The following SEC24D variants were observed in gnomAD, a reference collection of about 807,000 sequenced individuals.
SEC24D encodes SEC24 homolog D, COPII component.
A neutral mutation model predicts 116.9 loss-of-function variants in SEC24D; 69 were observed. The ratio of observed to expected loss-of-function variants is 0.59; its 90% confidence interval spans 0.49 to 0.72. SEC24D has a LOEUF of 0.72. SEC24D is among the 30% of genes least tolerant of loss of function. The pLI, the probability that SEC24D is intolerant of heterozygous loss-of-function variation, is 0.00. For missense variants in SEC24D, 1,131 were observed against 1,264.1 expected, an observed-to-expected ratio of 0.89 and a Z score of 1.60; for synonymous variants, 405 against 442.8, an observed-to-expected ratio of 0.91 and a Z score of 1.07.
chr4:118,738,668 T>C (rs1726086381), intron 18 of SEC24D, among the ~76,000 whole-genome samples: 1 of 152,220 alleles, frequency 6.6e-6, no homozygotes, highest in Non-Finnish European at 1.5e-5. Flanking sequence ...TTTGTCATTT[T>C]TTGATGTCCT....
At chr4:118,817,442 T>C (rs1730199841) in intron 3 of SEC24D, 30 bp from the exon 4 acceptor site, 5 of 1,585,810 alleles carry the variant, frequency 3.2e-6, no homozygotes, top group Non-Finnish European at 3.4e-6. Context: ...TGTCAAACAA[T>C]ATCACAGCGT....
intron 8 of SEC24D, among the ~76,000 whole-genome samples, chr4:118,792,383 TG>T (rs1224990570): frequency 6.6e-6 from 1 of 152,166 alleles, no homozygotes; most frequent in Admixed American, 6.5e-5. Context: ...CCACCCCTTC[TG>T]GGAGGTGTAC....
In SEC24D at chr4:118,744,187, A is replaced by T. The variant is rs115973812; in HGVS notation, c.1825-29T>A. 11,611 of 1,500,292 alleles carry T rather than the reference A, an allele frequency of 7.7e-3. 73 individuals carry two copies. Among genetic ancestry groups the T allele is most frequent in the Non-Finnish European group, 8.2e-3 (9,140 of 1,118,622 alleles). The allele number at this position is 1,500,292 out of a possible 1,614,324, so 92.9% of individuals were successfully genotyped here. Reference sequence around the variant, plus strand: ...GAAAAAAGATGCAAAAAAAAAGAAAAAATAAAAATTACAAAATGTTTTTGG... The same window carrying T: ...GAAAAAAGATGCAAAAAAAAAGAAATAATAAAAATTACAAAATGTTTTTGG... On this transcript the variant is annotated intron_variant, in intron 14 of 22. Coordinates refer to ENST00000280551, the MANE Select transcript of SEC24D (RefSeq NM_014822.4).
At chr4:118,752,175 T>G in intron 12 of SEC24D, 86 bp from the exon 13 acceptor site, 1 of 850,808 alleles carries the variant, frequency 1.2e-6, no homozygotes, top group East Asian at 2.5e-5. Flanking sequence ...ATTTCAAGCC[T>G]AAACACATAT....
chr4:118,731,247 A>G, intron 21 of SEC24D, 69 bp downstream of exon 21: 1 of 1,252,094 alleles, frequency 8.0e-7, no homozygotes, highest in Non-Finnish European at 1.2e-6. Context: ...ATTTGACTGC[A>G]CATAAATAAA....
At chr4:118,833,502 C>G in intron 2 of SEC24D, 77 bp downstream of exon 2, 1 of 966,370 alleles carries the variant, frequency 1.0e-6, no homozygotes, top group South Asian at 1.5e-5. Flanking sequence ...GCTTTCAAAT[C>G]TCCTCTTTCA....
intron 8 of SEC24D, among the ~76,000 whole-genome samples, chr4:118,773,063 C>T (rs1207065033): frequency 1.3e-5 from 2 of 152,038 alleles, no homozygotes; most frequent in African/African-American, 4.8e-5. Context: ...ACCTACTTTC[C>T]CCTCTCTTTC....
intron 13 of SEC24D, among the ~76,000 whole-genome samples, chr4:118,746,365 C>G (rs1726535296): frequency 6.6e-6 from 1 of 152,000 alleles, no homozygotes; most frequent in Non-Finnish European, 1.5e-5. Flanking sequence ...TTGCATGCAG[C>G]TCTGTGCCAG....
Position 118,728,722 on chromosome 4 carries a change from CATA to C in SEC24D, c.2869-75_2869-73del. On this transcript the variant is annotated intron_variant, in intron 21 of 22. Transcript: ENST00000280551. ...GATAGAAGTAGCAATATGAGATTATCATAATGTTAAAAACATAAAACCATGTAC... is the reference window on the plus strand; with the variant it reads ...GATAGAAGTAGCAATATGAGATTATCATGTTAAAAACATAAAACCATGTAC... 6 of 938,688 alleles carry C rather than the reference CATA, an allele frequency of 6.4e-6. No homozygotes were observed. In the South Asian group the frequency reaches 9.3e-5, roughly 14 times the overall value. The allele number at this position is 938,688 out of a possible 1,614,324, so 58.1% of individuals were successfully genotyped here.
chr4:118,757,705 AT>A lies in SEC24D; in HGVS notation c.1421+15del, dbSNP rs773267784. On this transcript the variant is annotated intron_variant, in intron 11 of 22. Transcript: ENST00000280551. Reference sequence around the variant, plus strand: ...CAATAATGTATAAGTTGTAAAAAGAATGACGGTTGCCTTACTTTGGAATTTT... The same window carrying A: ...CAATAATGTATAAGTTGTAAAAAGAAGACGGTTGCCTTACTTTGGAATTTT... 1.3e-5 allele frequency: 21 copies of A among 1,603,962 alleles called. No homozygotes were observed. In the Admixed American group the frequency reaches 3.5e-4, roughly 27 times the overall value.
At chr4:118,729,029 T>TG (rs1553921517) in intron 21 of SEC24D, 8,034 of 156,928 alleles carry the variant, frequency 0.051, 282 homozygotes, top group Non-Finnish European at 0.072. Flanking sequence ...GCATGGATTT[T>TG]GGGTTTTTTT....
intron 6 of SEC24D, among the ~76,000 whole-genome samples, chr4:118,808,476 T>C (rs2110516445): frequency 6.6e-6 from 1 of 152,334 alleles, no homozygotes; most frequent in East Asian, 1.9e-4. Flanking sequence ...AACAGTGTTA[T>C]CAGTAGTAAT....
intron 10 of SEC24D, among the ~76,000 whole-genome samples, chr4:118,762,102 GA>G (rs779529680): frequency 7.9e-4 from 105 of 132,998 alleles, no homozygotes; most frequent in Middle Eastern, 3.8e-3. Flanking sequence ...TTTTTGTTCA[GA>G]AAAAAAAAAA....
intron 13 of SEC24D, among the ~76,000 whole-genome samples, chr4:118,750,929 C>A (rs1019830544): frequency 6.6e-6 from 1 of 151,886 alleles, no homozygotes; most frequent in Non-Finnish European, 1.5e-5. Context: ...AAAACCCAAG[C>A]AAGAATCACT....
chr4:118,807,146 A>G (rs926873506), intron 6 of SEC24D, among the ~76,000 whole-genome samples: 5 of 152,206 alleles, frequency 3.3e-5, no homozygotes, highest in African/African-American at 1.2e-4. Context: ...AGTTTCCCCA[A>G]CTGCATCCCT....
In SEC24D at chr4:118,802,590, GCTCT is replaced by G. The variant is rs1729490923; in HGVS notation, c.913+3249_913+3252del. Among the ~76,000 whole-genome samples, 10 of 152,332 alleles carry G rather than the reference GCTCT, an allele frequency of 6.6e-5. No individual in the cohort carries two copies. In the South Asian group the frequency reaches 2.1e-3, roughly 32 times the overall value. On this transcript the variant is annotated intron_variant, in intron 7 of 22. Coordinates refer to ENST00000280551, the MANE Select transcript of SEC24D (RefSeq NM_014822.4). Reference sequence around the variant, plus strand: ...AACTTTGGGGCTCCATACCAGGGCAGCTCTCTCTTCTTGCCAAGGGCTAGGCTGC... The same window carrying G: ...AACTTTGGGGCTCCATACCAGGGCAGCTCTTCTTGCCAAGGGCTAGGCTGC...
intron 8 of SEC24D, among the ~76,000 whole-genome samples, chr4:118,793,096 A>G (rs1310381526): frequency 6.6e-6 from 1 of 152,076 alleles, no homozygotes; most frequent in Non-Finnish European, 1.5e-5. Flanking sequence ...TAATAAAGGG[A>G]ACTTAAATGT....
intron 6 of SEC24D, among the ~76,000 whole-genome samples, chr4:118,813,256 T>C (rs1729993770): frequency 6.6e-6 from 1 of 152,132 alleles, no homozygotes; most frequent in Non-Finnish European, 1.5e-5. Flanking sequence ...AAGGAAGACC[T>C]GGAGCCACCA....
rs114111140 is a variant in SEC24D at position 118,766,307 on chromosome 4, C to T, written c.1181-1390G>A. Among the ~76,000 whole-genome samples, 496 of 152,302 alleles carry T rather than the reference C, an allele frequency of 3.3e-3. 1 individual carries two copies. Among genetic ancestry groups the T allele is most frequent in the African/African-American group, 0.011 (468 of 41,556 alleles). On this transcript the variant is annotated intron_variant, in intron 9 of 22. Transcript: ENST00000280551. ...CTGACCACACATACTCCCCACTGGA[C>T]AATCTCTGGACACTTTGCAAGGAAA...
Sources: allele counts gnomAD v4.1 joint callset (sites outside exome capture counted in the v4.1 genomes callset), GRCh38; gene constraint gnomAD v4.1.1; transcripts MANE v1.5; gene names NCBI Gene and HGNC (gene_info 2026-07-23, HGNC 2026-07-21).